The following UBA3 variants were observed in gnomAD, a reference collection of about 807,000 sequenced individuals.
UBA3 encodes the protein NEDD8-activating enzyme E1 catalytic subunit.
A neutral mutation model predicts 73.5 loss-of-function variants in UBA3; 26 were observed. That is an observed-to-expected ratio of 0.35 (90% CI 0.26 to 0.49). UBA3 has a LOEUF of 0.49. Ranked by LOEUF, UBA3 falls within the 20% of genes least tolerant of loss-of-function variation. The pLI, the probability that UBA3 is intolerant of heterozygous loss-of-function variation, is 0.98. For synonymous variants in UBA3, 217 were observed against 191.2 expected, an observed-to-expected ratio of 1.13 and a Z score of -1.11; for missense variants, 495 against 555.6, an observed-to-expected ratio of 0.89 and a Z score of 1.10.
chr3:69,056,210 A>C lies in UBA3; in HGVS notation c.1157T>G (p.Leu386Trp). The C allele has an allele frequency of 6.3e-7, 1 of 1,597,856 alleles. No homozygotes were observed. The highest frequency in any genetic ancestry group is 8.5e-7 in the Non-Finnish European group (1 of 1,175,584). ...AGAAGCACTATTGGTTAGATAATCC[A>C]AAACCTCCTGTAGTTTAGCTGATGG... Reference protein sequence around the residue: ...FSPSAKLQEVLDYLTNSASLQ... With the variant: ...FSPSAKLQEVWDYLTNSASLQ... The change falls in exon 15 of 18, where the codon TTG (leucine) becomes TGG (tryptophan). Residue 386 changes from leucine (L) to tryptophan (W), a missense_variant. Leu to Trp is a moderately conservative substitution (Grantham distance 61). Transcript: ENST00000361055.
At position 69,061,844 on chromosome 3, in the gene UBA3, T is replaced by C. The variant is rs769723665; in HGVS notation, c.880A>G (p.Ile294Val). The change falls in exon 11 of 18, where the codon ATT (isoleucine) becomes GTT (valine). Residue 294 changes from isoleucine (I) to valine (V), a missense_variant. Transcript: ENST00000361055. ...GTGAGCCTATACGTAACACCCCTAA[T>C]ATTATATTGTGATGCTCTCTCTAGG... ...KSLERASQYN[I>V]RGVTYRLTQG... is the part of the protein sequence containing the mutation. The C allele has an allele frequency of 6.2e-6, 10 of 1,609,260 alleles. No homozygotes were observed. The highest frequency in any genetic ancestry group is 7.6e-6 in the Non-Finnish European group (9 of 1,178,098).
chr3:69,058,518 A>G (rs2091996013), intron 11 of UBA3, among the ~76,000 whole-genome samples: 1 of 152,198 alleles, frequency 6.6e-6, no homozygotes, highest in Non-Finnish European at 1.5e-5. Context: ...CTGTGACCAT[A>G]TGATTCTCTA....
At chr3:69,055,793 T>C in intron 17 of UBA3, 58 bp downstream of exon 17, 1 of 1,526,730 alleles carries the variant, frequency 6.5e-7, no homozygotes, top group Non-Finnish European at 9.0e-7. Context: ...ACTGATTACT[T>C]TCACCAAAAA....
chr3:69,056,731 CAAG>C, intron 13 of UBA3, 38 bp from the exon 14 acceptor site: 2 of 1,608,146 alleles, frequency 1.2e-6, no homozygotes, highest in East Asian at 4.5e-5. Flanking sequence ...ATAATTAAAC[CAAG>C]TCAAAACATA....
At chr3:69,080,309 G>T (rs747701296) in intron 1 of UBA3, 25 bp downstream of exon 1, 1 of 1,603,930 alleles carries the variant, frequency 6.2e-7, no homozygotes, top group South Asian at 1.1e-5. Flanking sequence ...CCAGCCCGGC[G>T]CGTCTGCAGA....
rs1271366210 is a variant in UBA3 at position 69,056,393 on chromosome 3, TA to T, written c.1084-111del. On this transcript the variant is annotated intron_variant, in intron 14 of 17. Transcript: ENST00000361055. The stretch of plus-strand genomic sequence containing the variant: ...GTTTTATAATCATGCATATTTCCTA[TA>T]AAAAAATTTTTATGCTTTAAAGCCT... The T allele has an allele frequency of 8.8e-6, 9 of 1,027,612 alleles. No individual in the cohort carries two copies. The East Asian group carries it at 1.1e-4, about 12-fold the overall frequency. The allele number at this position is 1,027,612 out of a possible 1,614,324, so 63.7% of individuals were successfully genotyped here.
chr3:69,076,775 T>C (rs1229242401), intron 3 of UBA3, among the ~76,000 whole-genome samples: 1 of 151,794 alleles, frequency 6.6e-6, no homozygotes, highest in Non-Finnish European at 1.5e-5. Flanking sequence ...TTTTTTTTTT[T>C]AGAGATGGGT....
rs371002436 is a variant in UBA3, at chr3:69,056,324, C to T, written c.1084-41G>A. On this transcript the variant is annotated intron_variant, in intron 14 of 17. Transcript: ENST00000361055. The stretch of plus-strand genomic sequence containing the variant: ...ACAACAAATTACAGCAGCACATGCA[C>T]CAATATTAGTCTCTTTTATGAACAA... 450 of 1,379,250 alleles carry T rather than the reference C, an allele frequency of 3.3e-4. 1 individual carries two copies. Among genetic ancestry groups the T allele is most frequent in the Non-Finnish European group, 3.7e-4 (368 of 1,004,556 alleles). The allele number at this position is 1,379,250 out of a possible 1,614,324, so 85.4% of individuals were successfully genotyped here. A position where few individuals can be genotyped will look rare whatever the true frequency, so the allele number is the denominator to read the frequency against.
rs572629585 is a variant in UBA3 at position 69,055,445 on chromosome 3, T to C, written c.1384A>G (p.Thr462Ala). The part of the protein sequence containing the change: ...PQTVLFKLHF[T>A]S ...TTATGTGGAGATTTTCCTTAAGAAGTAAAATGAAGTTTGAATAGTACAGTC... is the reference window on the plus strand; with the variant it reads ...TTATGTGGAGATTTTCCTTAAGAAGCAAAATGAAGTTTGAATAGTACAGTC... The change falls in exon 18 of 18, where the codon ACT becomes GCT. Residue 462 changes from threonine (T) to alanine (A), a missense_variant. Physicochemically the swap from Thr to Ala is moderately conservative, Grantham distance 58. Transcript: ENST00000361055. 3 of 1,516,910 alleles carry C rather than the reference T, an allele frequency of 2.0e-6. No homozygotes were observed. In the South Asian group the frequency reaches 4.1e-5, roughly 21 times the overall value. 94.0% of individuals were successfully genotyped at this position (1,516,910 alleles called of 1,614,324 possible). A position where few individuals can be genotyped will look rare whatever the true frequency, so the allele number is the denominator to read the frequency against.
rs923959248 is a variant in UBA3 at position 69,061,698 on chromosome 3, T to C, written c.910+116A>G. On this transcript the variant is annotated intron_variant, in intron 11 of 17. Coordinates refer to ENST00000361055, the MANE Select transcript of UBA3 (RefSeq NM_003968.4). ...TAAGTAGTATGAATTACATGGTACC[T>C]TTACTGAACTTCAAGTGGATGGTAC... The C allele has an allele frequency of 1.2e-5, 7 of 605,686 alleles. No individual in the cohort carries two copies. The Admixed American group carries it at 2.0e-4, about 17-fold the overall frequency. The allele number at this position is 605,686 out of a possible 1,614,324, so 37.5% of individuals were successfully genotyped here. A position where few individuals can be genotyped will look rare whatever the true frequency, so the allele number is the denominator to read the frequency against.
intron 6 of UBA3, among the ~76,000 whole-genome samples, chr3:69,064,727 C>T (rs2092054189): frequency 6.6e-6 from 1 of 152,146 alleles, no homozygotes; most frequent in African/African-American, 2.4e-5. Flanking sequence ...AAAAAGGAAA[C>T]TCCATTCAAA....
chr3:69,056,046 G>T lies in UBA3; in HGVS notation c.1202C>A (p.Ala401Asp). Residue 401 changes from alanine (A) to aspartate (D), a missense_variant, in exon 16 of 18, where the codon GCC becomes GAC. By Grantham distance (126) the Ala-to-Asp change is moderately radical (BLOSUM62 -2). Transcript: ENST00000361055. ...TTTTCCCTCTAGGGTGGCTGTGATG[G>T]CTGGAGATTTCATTTGCCTAAAGAT... ...NSASLQMKSP[A>D]ITATLEGKNR... The T allele has an allele frequency of 6.2e-7, 1 of 1,603,868 alleles. No individual in the cohort carries two copies. Among genetic ancestry groups the T allele is most frequent in the Non-Finnish European group, 8.5e-7 (1 of 1,177,174 alleles).
At chr3:69,069,949 T>A (rs1467165355) in intron 5 of UBA3, among the ~76,000 whole-genome samples, 2 of 152,194 alleles carry the variant, frequency 1.3e-5, no homozygotes, top group Non-Finnish European at 2.9e-5. Flanking sequence ...TTGCTCCACC[T>A]CAATAAAATG....
At chr3:69,068,545 G>GAA (rs35335070) in intron 5 of UBA3, among the ~76,000 whole-genome samples, 7 of 128,992 alleles carry the variant, frequency 5.4e-5, no homozygotes, top group South Asian at 2.5e-4. Flanking sequence ...ATATAAAATG[G>GAA]AAAAAAAAAA....
chr3:69,065,294 C>G (rs780397303), intron 6 of UBA3, among the ~76,000 whole-genome samples: 1 of 151,540 alleles, frequency 6.6e-6, no homozygotes, highest in Non-Finnish European at 1.5e-5. Context: ...CATTTTTAAG[C>G]TCTTTATTTT....
At chr3:69,080,259 G>A (rs1559649544) in intron 1 of UBA3, 75 bp downstream of exon 1, 4 of 1,572,318 alleles carry the variant, frequency 2.5e-6, no homozygotes, top group Non-Finnish European at 3.4e-6. Context: ...CCCGGGTGGC[G>A]GCGGCAACCG....
chr3:69,061,257 C>T (rs961806501), intron 11 of UBA3, among the ~76,000 whole-genome samples: 21 of 152,200 alleles, frequency 1.4e-4, no homozygotes, highest in Admixed American at 4.6e-4. Context: ...AGCAGTGGCG[C>T]AATCTCAGGC....
Position 69,056,054 on chromosome 3 carries a change from T to A in UBA3, c.1194A>T (p.Lys398Asn). Residue 398 changes from lysine (K) to asparagine (N), a missense_variant, in exon 16 of 18, where the codon AAA becomes AAT. By Grantham distance (94) the Lys-to-Asn change is moderately conservative. Transcript: ENST00000361055. ...CTAGGGTGGCTGTGATGGCTGGAGA[T>A]TTCATTTGCCTAAAGATTATGATGA... ...YLTNSASLQM[K>N]SPAITATLEG... 6.2e-7 allele frequency: 1 copy of A among 1,603,976 alleles called. No homozygotes were observed. The highest frequency in any genetic ancestry group is 8.5e-7 in the Non-Finnish European group (1 of 1,177,242).
Position 69,056,011 on chromosome 3 carries a change from G to T in UBA3, c.1237C>A (p.Leu413Ile), listed in dbSNP as rs772080586. 20 of 1,605,654 alleles carry T rather than the reference G, an allele frequency of 1.2e-5. No homozygotes were observed. The highest frequency in any genetic ancestry group is 1.7e-5 in the Non-Finnish European group (20 of 1,177,528). ...TATLEGKNRT[L>I]YLQSVTSIEE... ...TACACATTGATAACCTGTAAGTAAA[G>T]TGTTCTATTTTTTCCCTCTAGGGTG... The change falls in exon 16 of 18, where the codon CTT becomes ATT. Residue 413 changes from leucine to isoleucine, a missense_variant. Transcript: ENST00000361055.
Sources: allele counts gnomAD v4.1 joint callset (sites outside exome capture counted in the v4.1 genomes callset), GRCh38; gene constraint gnomAD v4.1.1; transcripts MANE v1.5; gene names NCBI Gene and HGNC (gene_info 2026-07-23, HGNC 2026-07-21).